Variants in DPP7 observed in about 807,000 individuals in gnomAD.
The protein encoded by DPP7 is dipeptidyl peptidase 2.
A neutral mutation model predicts 58.8 loss-of-function variants in DPP7; 74 were observed. That is an observed-to-expected ratio of 1.26 (90% CI 1.04 to 1.53). The LOEUF is 1.53. Among genes scored for constraint, DPP7 ranks in the 40% most tolerant of loss-of-function variants. DPP7 has a pLI of 0.00. For missense variants in DPP7, 807 were observed against 692.3 expected (o/e 1.17, Z -1.86); for synonymous variants, 350 against 303.6 (o/e 1.15, Z -1.59).
rs376841930 is a variant in DPP7, at chr9:137,114,290, C to T, written c.274G>A (p.Ala92Thr). ...GCCCCCCGCTCGGCCGCCAGCTCCGCGACGAAGGCCGAGTTGTTGGCGAAG... is the reference window on the plus strand; with the variant it reads ...GCCCCCCGCTCGGCCGCCAGCTCCGTGACGAAGGCCGAGTTGTTGGCGAAG... The part of the protein sequence containing the change: ...WAFANNSAFV[A>T]ELAAERGALL... The change falls in exon 3 of 13, where the codon GCG (alanine) becomes ACG (threonine). Residue 92 changes from alanine to threonine, a missense_variant. This residue lies in a region of DPP7 where 15 missense variants were observed against 37.0 expected (regional missense o/e 0.41). Transcript: ENST00000371579. The T allele has an allele frequency of 2.5e-6, 4 of 1,603,650 alleles. No individual in the cohort carries two copies. The highest frequency in any genetic ancestry group is 3.4e-6 in the Non-Finnish European group (4 of 1,176,092).
At chr9:137,115,065 A>C, upstream of DPP7, 2 of 208,444 alleles carry the variant, frequency 9.6e-6, no homozygotes, top group Non-Finnish European at 1.9e-5. Context: ...CCCCACTCCA[A>C]GGCAGGGCCG....
intron 12 of DPP7, 29 bp downstream of exon 12, chr9:137,110,851 G>A (rs750340983): frequency 1.8e-5 from 29 of 1,606,320 alleles, no homozygotes; most frequent in South Asian, 9.9e-5. Context: ...CCCGACCCGC[G>A]ACCACCGCCA....
At chr9:137,116,629 G>A (rs540693027), upstream of DPP7, among the ~76,000 whole-genome samples, 24 of 152,342 alleles carry the variant, frequency 1.6e-4, no homozygotes, top group African/African-American at 4.1e-4. Flanking sequence ...ATATGGCCTC[G>A]TGGGAAGGGA....
rs766498194 is a variant in DPP7 at position 137,113,069 on chromosome 9, C to T, written c.754G>A (p.Glu252Lys). The part of the protein sequence containing the change: ...EFGTCQPLSD[E>K]KDLTQLFMFA... ...ATGAAGAGCTGGGTCAGGTCCTTCT[C>T]GTCTGACAGCGGCTGGCAGGTGCCG... is the stretch of plus-strand genomic sequence containing the variant. The change falls in exon 7 of 13, where the codon GAG becomes AAG. Residue 252 changes from glutamate (E) to lysine (K), a missense_variant. Physicochemically the swap from Glu to Lys is moderately conservative, Grantham distance 56. Around this residue, in one of 3 missense-constraint regions of DPP7, gnomAD observed 624 missense variants for 531.2 expected, o/e 1.17. Coordinates refer to ENST00000371579, the MANE Select transcript of DPP7 (RefSeq NM_013379.3). 5.8e-5 allele frequency: 94 copies of T among 1,613,788 alleles called. 1 individual carries two copies. In the South Asian group the frequency reaches 8.6e-4, roughly 15 times the overall value.
At chr9:137,112,334 G>A (rs2131148760) in intron 8 of DPP7, 104 bp from the exon 9 acceptor site, 2 of 977,914 alleles carry the variant, frequency 2.0e-6, no homozygotes, top group East Asian at 2.6e-5. Flanking sequence ...GGGATCTGGG[G>A]CTCTGGGATC....
At chr9:137,115,866 C>T (rs1035613318), upstream of DPP7, among the ~76,000 whole-genome samples, 19 of 152,156 alleles carry the variant, frequency 1.2e-4, no homozygotes, top group Non-Finnish European at 1.8e-4. Flanking sequence ...GGCTGCCTGC[C>T]GGGGCCCCCG....
Position 137,110,650 on chromosome 9 carries a change from A to G in DPP7, c.1477T>C (p.Ter493ArgextTer27). ...ALRGGPRLSL[*>R] ...TTGAGACCCCTCCAGTCCTGTGCTC[A>G]GAGGCTGAGTCTGGGCCCCCCACGC... The change falls in exon 13 of 13, where the codon TGA becomes CGA. Residue 493 changes from the stop codon to arginine (R), a stop_lost. Coordinates refer to ENST00000371579, the MANE Select transcript of DPP7 (RefSeq NM_013379.3). 5.6e-6 allele frequency: 9 copies of G among 1,609,702 alleles called. No homozygotes were observed. Among genetic ancestry groups the G allele is most frequent in the Non-Finnish European group, 7.6e-6 (9 of 1,179,846 alleles).
Position 137,113,293 on chromosome 9 carries a change from G to T in DPP7, c.622-6C>A. The T allele has an allele frequency of 1.2e-6, 2 of 1,613,700 alleles. No homozygotes were observed. The highest frequency in any genetic ancestry group is 2.2e-5 in the South Asian group (2 of 91,086). On this transcript the variant is annotated splice_polypyrimidine_tract_variant and splice_region_variant and intron_variant, in intron 5 of 12. Coordinates refer to ENST00000371579, the MANE Select transcript of DPP7 (RefSeq NM_013379.3). Reference sequence around the variant, plus strand: ...GGACTCTGGCCCTCAAAGTCCTGGGGGAAAGAGACCGTGCTGACTGCAGCT... The same window carrying T: ...GGACTCTGGCCCTCAAAGTCCTGGGTGAAAGAGACCGTGCTGACTGCAGCT...
In DPP7 at chr9:137,112,999, G is replaced by A. The variant is rs1436165609; in HGVS notation, c.824C>T (p.Pro275Leu). 5 of 1,613,726 alleles carry A rather than the reference G, an allele frequency of 3.1e-6. No individual in the cohort carries two copies. Among genetic ancestry groups the A allele is most frequent in the Admixed American group, 1.7e-5 (1 of 60,030 alleles). ...AFTVLAMMDY[P>L]YPTDFLGPLP... ...GGGACCCAGGAAGTCAGTGGGGTAG[G>A]GGTAGTCCATCATGGCCAGCACGGT... is the stretch of plus-strand genomic sequence containing the variant. Residue 275 changes from proline (P) to leucine (L), a missense_variant, in exon 7 of 13, where the codon CCC becomes CTC. Transcript: ENST00000371579.
chr9:137,112,621 C>T (rs1445635880), intron 8 of DPP7, 124 bp downstream of exon 8: 32 of 1,220,202 alleles, frequency 2.6e-5, no homozygotes, highest in East Asian at 7.6e-5. Context: ...TCCACCCCAC[C>T]ACAGCCCTGG....
Position 137,113,222 on chromosome 9 carries a change from G to C in DPP7, c.687C>G (p.Asp229Glu). Residue 229 changes from aspartate (D) to glutamate (E), a missense_variant, in exon 6 of 13, where the codon GAC (aspartate) becomes GAG (glutamate). Asp to Glu is a conservative substitution (Grantham distance 45). Coordinates refer to ENST00000371579, the MANE Select transcript of DPP7 (RefSeq NM_013379.3). ...GGACCTCACCTCCCTGTAGGAACAAGTCCTTGATCTGTCGGAACGCTTCCC... is the reference window on the plus strand; with the variant it reads ...GGACCTCACCTCCCTGTAGGAACAACTCCTTGATCTGTCGGAACGCTTCCC... ...GVREAFRQIK[D>E]LFLQGAYDTV... The C allele has an allele frequency of 6.2e-7, 1 of 1,613,726 alleles. No homozygotes were observed. Among genetic ancestry groups the C allele is most frequent in the Non-Finnish European group, 8.5e-7 (1 of 1,179,960 alleles).
At chr9:137,113,812 G>C in intron 4 of DPP7, 53 bp downstream of exon 4, 1 of 1,395,492 alleles carries the variant, frequency 7.2e-7, no homozygotes, top group Non-Finnish European at 9.4e-7. Flanking sequence ...GGCTGGGGGC[G>C]CTGGGTCGGG....
chr9:137,112,904 G>C (rs757418683), intron 7 of DPP7, 49 bp downstream of exon 7: 3 of 1,608,364 alleles, frequency 1.9e-6, no homozygotes, highest in African/African-American at 1.3e-5. Context: ...CACCAGCCTC[G>C]GGACACTCCA....
chr9:137,111,817 G>A (rs1831378725), intron 10 of DPP7, 56 bp downstream of exon 10: 12 of 1,613,160 alleles, frequency 7.4e-6, no homozygotes, highest in Non-Finnish European at 7.6e-6. Flanking sequence ...CATGGGCAGG[G>A]GGTGCAGAGC....
At chr9:137,113,165 T>TGGGGC in intron 6 of DPP7, 41 bp downstream of exon 6, 1 of 1,613,682 alleles carries the variant, frequency 6.2e-7, no homozygotes, top group Non-Finnish European at 8.5e-7. Context: ...TAGCTGGCGC[T>TGGGGC]GGGGCGGGTC....
At chr9:137,113,530 C>T in intron 4 of DPP7, 34 bp from the exon 5 acceptor site, 10 of 1,516,914 alleles carry the variant, frequency 6.6e-6, no homozygotes, top group South Asian at 1.3e-5. Context: ...GGCTGCTGCC[C>T]CCAACACCCC....
upstream of DPP7, among the ~76,000 whole-genome samples, chr9:137,118,237 C>T (rs1315075570): frequency 6.6e-6 from 1 of 152,074 alleles, no homozygotes; most frequent in Non-Finnish European, 1.5e-5. Context: ...ATCTGTCAGC[C>T]TCAGCCTCCC....
Position 137,111,986 on chromosome 9 carries a change from G to A in DPP7, c.1094C>T (p.Thr365Ile). ...GAAGGGCAGGTCCGGGAACATATCG[G>A]TCACATTGTTGCTGGCGAAGGTCAG... ...INLTFASNNV[T>I]DMFPDLPFTD... The change falls in exon 10 of 13, where the codon ACC (threonine) becomes ATC (isoleucine). Residue 365 changes from threonine (T) to isoleucine (I), a missense_variant. Thr to Ile is a moderately conservative substitution (Grantham distance 89). Around this residue, in one of 3 missense-constraint regions of DPP7, gnomAD observed 624 missense variants for 531.2 expected, o/e 1.17. Transcript: ENST00000371579. 7 of 1,613,680 alleles carry A rather than the reference G, an allele frequency of 4.3e-6. No homozygotes were observed. The East Asian group carries it at 1.1e-4, about 26-fold the overall frequency.
At chr9:137,111,054 T>TCAA in intron 11 of DPP7, 104 bp from the exon 12 acceptor site, 1 of 1,157,690 alleles carries the variant, frequency 8.6e-7, no homozygotes, top group Non-Finnish European at 1.3e-6. Flanking sequence ...CGAGACTCAG[T>TCAA]GCCCATCAAG....
Sources: gnomAD v4.1 joint callset for allele counts (sites outside exome capture counted in the v4.1 genomes callset) on GRCh38, gnomAD v4.1.1 for gene constraint, gnomAD v4.1.1 regional missense constraint, MANE v1.5 for transcripts, NCBI Gene and HGNC (gene_info 2026-07-23, HGNC 2026-07-21) for gene names.